Variants in ZHX2 observed in about 807,000 individuals in gnomAD.
ZHX2 encodes the protein zinc fingers and homeoboxes protein 2.
Under a neutral mutation model 21.9 loss-of-function variants are expected in ZHX2, and 6 were observed. The ratio of observed to expected loss-of-function variants is 0.27; its 90% confidence interval spans 0.15 to 0.54. ZHX2 has a LOEUF of 0.54. ZHX2 is among the 20% of genes least tolerant of loss of function. ZHX2 has a pLI of 0.95. For synonymous variants in ZHX2, 434 were observed against 437.1 expected (o/e 0.99, Z 0.09); for missense variants, 908 against 1,090.7 (o/e 0.83, Z 2.36).
intron 2 of ZHX2, among the ~76,000 whole-genome samples, chr8:122,910,375 G>C (rs558944895): frequency 7.0e-4 from 106 of 152,276 alleles, no homozygotes; most frequent in African/African-American, 2.4e-3. Flanking sequence ...GGAAGCTTAA[G>C]TTCACCTGAT....
chr8:122,818,674 T>C (rs1024663690), intron 1 of ZHX2, among the ~76,000 whole-genome samples: 3 of 152,242 alleles, frequency 2.0e-5, no homozygotes, highest in East Asian at 1.9e-4. Context: ...TGTCTTACGA[T>C]GAAACTTGGC....
At chr8:122,930,979 GC>G (rs1820976573) in intron 2 of ZHX2, among the ~76,000 whole-genome samples, 1 of 151,914 alleles carries the variant, frequency 6.6e-6, no homozygotes, top group Admixed American at 6.6e-5. Flanking sequence ...ATCATGGGAG[GC>G]CTCCCTGGCC....
Position 122,953,624 on chromosome 8 carries a change from A to G in ZHX2, c.2114A>G (p.Tyr705Cys), listed in dbSNP as rs749830765. ...CAGCCCATGGCAGATGATCACGGCT[A>G]CGATGCCGTAGCAAGGAAAGCAACA... ...QHQPMADDHGYDAVARKATKP... is the reference protein window; with the variant it reads ...QHQPMADDHGCDAVARKATKP... Residue 705 changes from tyrosine to cysteine, a missense_variant, in exon 3 of 4, where the codon TAC (tyrosine) becomes TGC (cysteine). By Grantham distance (194) the Tyr-to-Cys change is radical (BLOSUM62 -2). Transcript: ENST00000314393. The surrounding 1 kb of genome is among the most constrained non-coding windows in gnomAD (Gnocchi z 4.6). The G allele has an allele frequency of 1.2e-6, 2 of 1,614,226 alleles. No individual in the cohort carries two copies. The highest frequency in any genetic ancestry group is 2.2e-5 in the South Asian group (2 of 91,090).
chr8:122,821,127 G>A (rs922605784), intron 1 of ZHX2, among the ~76,000 whole-genome samples: 4 of 152,190 alleles, frequency 2.6e-5, no homozygotes, highest in Non-Finnish European at 4.4e-5. Context: ...CAATGTTCTC[G>A]CGAATTCTAG....
intron 2 of ZHX2, among the ~76,000 whole-genome samples, chr8:122,913,798 C>T (rs1428538226): frequency 6.6e-6 from 1 of 152,166 alleles, no homozygotes; most frequent in Non-Finnish European, 1.5e-5. Flanking sequence ...GCCAGTGACC[C>T]CCTTACTTGG....
chr8:122,929,523 A>G (rs1820932004), intron 2 of ZHX2, among the ~76,000 whole-genome samples: 1 of 152,044 alleles, frequency 6.6e-6, no homozygotes, highest in Non-Finnish European at 1.5e-5. Context: ...CACACCTGTA[A>G]TGCCAGCTAC....
chr8:122,819,197 G>A (rs1297350049), intron 1 of ZHX2, among the ~76,000 whole-genome samples: 1 of 152,210 alleles, frequency 6.6e-6, no homozygotes, highest in Non-Finnish European at 1.5e-5. Flanking sequence ...GCCAGTGCCT[G>A]CAGTGGGAAG....
At chr8:122,949,801 A>T (rs1354787363) in intron 2 of ZHX2, among the ~76,000 whole-genome samples, 1 of 152,146 alleles carries the variant, frequency 6.6e-6, no homozygotes, top group Non-Finnish European at 1.5e-5. Flanking sequence ...AGCCCAGGAG[A>T]TGGAGGATTG....
intron 1 of ZHX2, among the ~76,000 whole-genome samples, chr8:122,853,622 G>C (rs1349406415): frequency 6.6e-6 from 1 of 152,184 alleles, no homozygotes; most frequent in African/African-American, 2.4e-5. Flanking sequence ...CCGTGCCCTT[G>C]CTCTGGACCT....
intron 2 of ZHX2, among the ~76,000 whole-genome samples, chr8:122,930,556 ATT>A (rs34534125): frequency 6.9e-6 from 1 of 145,162 alleles, no homozygotes; most frequent in Admixed American, 6.8e-5. Flanking sequence ...TCCTGAGAGA[ATT>A]TTTTTTTTTT....
chr8:122,853,336 G>A (rs1482562826), intron 1 of ZHX2, among the ~76,000 whole-genome samples: 1 of 152,134 alleles, frequency 6.6e-6, no homozygotes, highest in Admixed American at 6.5e-5. Context: ...GTGTTATGAT[G>A]CCCATTGTAC....
At chr8:122,818,021 C>T (rs1290764046) in intron 1 of ZHX2, among the ~76,000 whole-genome samples, 2 of 152,178 alleles carry the variant, frequency 1.3e-5, no homozygotes, top group African/African-American at 2.4e-5. Context: ...TATCATTCAA[C>T]CTAAAGGTCC....
chr8:122,944,435 T>C (rs1358807445), intron 2 of ZHX2, among the ~76,000 whole-genome samples: 2 of 152,112 alleles, frequency 1.3e-5, no homozygotes, highest in Non-Finnish European at 2.9e-5. Flanking sequence ...AACCCTGCCC[T>C]ACAAAATTAA....
intron 2 of ZHX2, among the ~76,000 whole-genome samples, chr8:122,947,161 GAGGCTA>G (rs964484266): frequency 6.6e-6 from 1 of 151,232 alleles, no homozygotes. Flanking sequence ...AACTTCTTGG[GAGGCTA>G]AGGCAGGAAA....
chr8:122,970,784 C>T (rs1180697277), intron 3 of ZHX2, among the ~76,000 whole-genome samples: 5 of 152,200 alleles, frequency 3.3e-5, no homozygotes, highest in African/African-American at 1.2e-4. Flanking sequence ...AGAGGCTGGC[C>T]GTGGGCTACT....
chr8:122,843,754 C>T (rs114582798), intron 1 of ZHX2, among the ~76,000 whole-genome samples: 101 of 152,266 alleles, frequency 6.6e-4, no homozygotes, highest in African/African-American at 1.3e-3. Flanking sequence ...ACCAGCTAGA[C>T]GTGAAGGAGC....
At chr8:122,822,093 C>A (rs917095607) in intron 1 of ZHX2, among the ~76,000 whole-genome samples, 3 of 152,144 alleles carry the variant, frequency 2.0e-5, no homozygotes, top group Non-Finnish European at 4.4e-5. Flanking sequence ...CAGACCCTGG[C>A]TCCTATGTCA....
At chr8:122,957,012 G>A (rs1813321260) in intron 3 of ZHX2, among the ~76,000 whole-genome samples, 5 of 152,336 alleles carry the variant, frequency 3.3e-5, no homozygotes, top group Admixed American at 3.3e-4. Flanking sequence ...AACCTTTGGG[G>A]AGGAAGGATG....
intron 1 of ZHX2, among the ~76,000 whole-genome samples, chr8:122,855,647 A>G (rs1819007745): frequency 6.6e-6 from 1 of 152,124 alleles, no homozygotes; most frequent in African/African-American, 2.4e-5. Flanking sequence ...GCTCACACAC[A>G]CATTTTTTTC....
Sources: allele counts gnomAD v4.1 joint callset (sites outside exome capture counted in the v4.1 genomes callset), GRCh38; gene constraint gnomAD v4.1.1; non-coding constraint Gnocchi (gnomAD v3.1); transcripts MANE v1.5; gene names NCBI Gene and HGNC (gene_info 2026-07-23, HGNC 2026-07-21).